WWOX: variants seen among roughly 807,000 people sequenced by gnomAD.
WWOX encodes WW domain containing oxidoreductase.
In WWOX, 69 loss-of-function variants were observed where a neutral mutation model predicts 46.2. That is an observed-to-expected ratio of 1.49 (90% confidence interval 1.23 to 1.82). The LOEUF is 1.82. WWOX is among the 40% of genes most tolerant of loss of function. The pLI, the probability that WWOX is intolerant of heterozygous loss-of-function variation, is 0.00. For missense variants in WWOX, 919 were observed against 542.6 expected, an observed-to-expected ratio of 1.69 and a Z score of -6.89; for synonymous variants, 359 against 202.6, an observed-to-expected ratio of 1.77 and a Z score of -6.56.
chr16:78,403,944 C>T (rs1238846283), intron 6 of WWOX, among the ~76,000 whole-genome samples: 4 of 152,130 alleles, frequency 2.6e-5, no homozygotes, highest in African/African-American at 9.7e-5. Flanking sequence ...CAGGGTTTTC[C>T]AAAGTTCACC....
chr16:78,131,311 A>C lies in WWOX; in HGVS notation c.409+16157A>C, dbSNP rs1368301758. 4.3e-4 allele frequency among the ~76,000 whole-genome samples: 66 copies of C among 152,126 alleles called. 2 individuals are homozygous for C. Among genetic ancestry groups the C allele is most frequent in the Admixed American group, 4.3e-3 (66 of 15,278 alleles). ...CACTGTAGCCTCTCCCTCCTGGGCC[A>C]AGTGATCCTCTCACCTCAGCCTCCT... On this transcript the variant is annotated intron_variant, in intron 4 of 8. Coordinates refer to ENST00000566780, the MANE Select transcript of WWOX (RefSeq NM_016373.4).
At chr16:78,920,321 C>G (rs1377577831) in intron 8 of WWOX, among the ~76,000 whole-genome samples, 3 of 152,202 alleles carry the variant, frequency 2.0e-5, no homozygotes, top group African/African-American at 7.2e-5. Context: ...CTCCCCATAG[C>G]TGGAGAAGTA....
intron 8 of WWOX, among the ~76,000 whole-genome samples, chr16:78,975,434 CCTTGGCCTAGAG>C (rs2046551951): frequency 1.3e-5 from 2 of 151,838 alleles, no homozygotes; most frequent in Admixed American, 1.3e-4. Flanking sequence ...AGGTAAGAAA[CCTTGGCCTAGAG>C]GGTTCCCCAA....
At chr16:78,914,163 C>G (rs1439248200) in intron 8 of WWOX, among the ~76,000 whole-genome samples, 8 of 152,086 alleles carry the variant, frequency 5.3e-5, no homozygotes, top group Admixed American at 4.6e-4. Flanking sequence ...CACAATTTCT[C>G]TATCCCATAA....
At chr16:78,899,887 A>C (rs1047981947) in intron 8 of WWOX, among the ~76,000 whole-genome samples, 7 of 152,112 alleles carry the variant, frequency 4.6e-5, no homozygotes, top group Non-Finnish European at 1.0e-4. Flanking sequence ...GCCCATTAAC[A>C]CTTGTTCCTC....
chr16:78,357,085 C>T (rs1046608747), intron 5 of WWOX, among the ~76,000 whole-genome samples: 1 of 152,124 alleles, frequency 6.6e-6, no homozygotes, highest in Non-Finnish European at 1.5e-5. Context: ...GGGTGCTGGC[C>T]AGGAGACACC....
chr16:78,559,305 G>C (rs549900732), intron 8 of WWOX, among the ~76,000 whole-genome samples: 67 of 152,326 alleles, frequency 4.4e-4, no homozygotes, highest in African/African-American at 1.5e-3. Context: ...GGATTTGTGA[G>C]GGTCAGGACT....
intron 8 of WWOX, chr16:78,891,216 C>A (rs1196721080): frequency 6.6e-6 from 1 of 152,152 alleles, no homozygotes; most frequent in Non-Finnish European, 1.5e-5. Flanking sequence ...TCAGTCCCAT[C>A]TGATATTTGA....
intron 8 of WWOX, chr16:78,898,040 C>T (rs924243592): frequency 2.0e-5 from 3 of 151,650 alleles, no homozygotes; most frequent in African/African-American, 4.8e-5. Flanking sequence ...TATAGGAATT[C>T]TATATATATT....
intron 8 of WWOX, among the ~76,000 whole-genome samples, chr16:78,518,507 G>T (rs2043285054): frequency 6.6e-6 from 1 of 152,120 alleles, no homozygotes; most frequent in Admixed American, 6.5e-5. Flanking sequence ...AGACGTGAGT[G>T]ACCACGCCTG....
chr16:78,785,599 C>T (rs576527522), intron 8 of WWOX, among the ~76,000 whole-genome samples: 31 of 152,244 alleles, frequency 2.0e-4, no homozygotes, highest in Non-Finnish European at 4.0e-4. Context: ...CTTATAAATT[C>T]GAGATAGTCA....
At chr16:79,125,202 G>C (rs370413938) in intron 8 of WWOX, among the ~76,000 whole-genome samples, 5 of 152,104 alleles carry the variant, frequency 3.3e-5, no homozygotes, top group East Asian at 3.9e-4. Flanking sequence ...TGTCCTTATA[G>C]ATGTATATTA....
intron 8 of WWOX, among the ~76,000 whole-genome samples, chr16:78,660,315 C>A (rs914104485): frequency 6.6e-6 from 1 of 152,126 alleles, no homozygotes; most frequent in East Asian, 1.9e-4. Flanking sequence ...GGTCCCTCTT[C>A]CCTGGCAGAC....
intron 5 of WWOX, among the ~76,000 whole-genome samples, chr16:78,382,819 AAAT>A: frequency 6.6e-6 from 1 of 152,256 alleles, no homozygotes; most frequent in South Asian, 2.1e-4. Flanking sequence ...ACAGCAAAGA[AAAT>A]AAACGCATCT....
chr16:78,810,861 C>T (rs150249606), intron 8 of WWOX, among the ~76,000 whole-genome samples: 19 of 152,272 alleles, frequency 1.2e-4, no homozygotes, highest in African/African-American at 4.3e-4. Flanking sequence ...GACAAGTGCT[C>T]AGTCATTTTG....
At chr16:79,136,885 G>A (rs896793796) in intron 8 of WWOX, among the ~76,000 whole-genome samples, 1 of 152,196 alleles carries the variant, frequency 6.6e-6, no homozygotes, top group African/African-American at 2.4e-5. Flanking sequence ...ATGAAATTAT[G>A]TGTAAACTGT....
At chr16:78,194,213 G>A (rs903680784) in intron 5 of WWOX, among the ~76,000 whole-genome samples, 5 of 152,106 alleles carry the variant, frequency 3.3e-5, no homozygotes, top group African/African-American at 1.2e-4. Context: ...GAGTCAGGGT[G>A]TTTGTTACAG....
chr16:78,183,165 T>C (rs1337460141), intron 5 of WWOX, among the ~76,000 whole-genome samples: 1 of 152,086 alleles, frequency 6.6e-6, no homozygotes, highest in East Asian at 1.9e-4. Context: ...CATATAGGTA[T>C]GCGAGACGTT....
chr16:78,577,839 T>A (rs114429934), intron 8 of WWOX, among the ~76,000 whole-genome samples: 1 of 152,224 alleles, frequency 6.6e-6, no homozygotes, highest in South Asian at 2.1e-4. Context: ...CAGATGACCT[T>A]GTTTGGGCTT....
Sources: gnomAD v4.1 joint callset for allele counts (sites outside exome capture counted in the v4.1 genomes callset) on GRCh38, gnomAD v4.1.1 for gene constraint, MANE v1.5 for transcripts, NCBI Gene and HGNC (gene_info 2026-07-23, HGNC 2026-07-21) for gene names.